The following MAP4K3 variants were observed in gnomAD, a reference collection of about 807,000 sequenced individuals.
The protein encoded by MAP4K3 is mitogen-activated protein kinase kinase kinase kinase 3.
MAP4K3 carries 94 observed loss-of-function variants against 143.5 expected under a neutral mutation model. The observed-to-expected ratio is 0.65, with a 90% confidence interval of 0.55 to 0.78. MAP4K3 has a LOEUF of 0.78. Ranked by LOEUF, MAP4K3 falls within the 30% of genes least tolerant of loss-of-function variation. The probability of loss-of-function intolerance (pLI) is 0.00; values close to 1 mark genes in which losing one functional copy is unlikely to be tolerated. For missense variants in MAP4K3, 1,077 were observed against 1,068.1 expected (o/e 1.01, Z -0.12); for synonymous variants, 416 against 347.2 (o/e 1.20, Z -2.20).
At chr2:39,290,402 A>C in intron 18 of MAP4K3, 68 bp from the exon 19 acceptor site, 1 of 1,016,172 alleles carries the variant, frequency 9.8e-7, no homozygotes, top group Non-Finnish European at 1.5e-6. Flanking sequence ...AAATATAATA[A>C]TTTTTTCAAA....
chr2:39,370,846 G>A (rs73923888), intron 2 of MAP4K3, among the ~76,000 whole-genome samples: 7,266 of 152,178 alleles, frequency 0.048, 296 homozygotes, highest in African/African-American at 0.11. Flanking sequence ...TACCACAAAT[G>A]AGTATAAGTA....
At chr2:39,298,449 C>A (rs1426258814) in intron 16 of MAP4K3, among the ~76,000 whole-genome samples, 1 of 151,720 alleles carries the variant, frequency 6.6e-6, no homozygotes, top group Non-Finnish European at 1.5e-5. Context: ...TATATTTCTC[C>A]AGATTGTTAT....
chr2:39,397,555 A>G (rs975913265), intron 1 of MAP4K3, among the ~76,000 whole-genome samples: 2 of 152,222 alleles, frequency 1.3e-5, no homozygotes, highest in African/African-American at 4.8e-5. Flanking sequence ...TTAAGATATT[A>G]AAATTCATAC....
chr2:39,275,938 T>G (rs988392579), intron 24 of MAP4K3, among the ~76,000 whole-genome samples: 4 of 152,206 alleles, frequency 2.6e-5, no homozygotes, highest in African/African-American at 9.6e-5. Flanking sequence ...AGTGGCGTGA[T>G]CTCGGCTCAC....
intron 1 of MAP4K3, among the ~76,000 whole-genome samples, chr2:39,427,998 G>C (rs1023861671): frequency 6.6e-6 from 1 of 152,058 alleles, no homozygotes; most frequent in African/African-American, 2.4e-5. Flanking sequence ...CTCCACAATC[G>C]CAAATACAAT....
intron 20 of MAP4K3, among the ~76,000 whole-genome samples, chr2:39,287,555 G>T (rs1381541387): frequency 6.6e-6 from 1 of 151,766 alleles, no homozygotes; most frequent in African/African-American, 2.4e-5. Context: ...CACCTGCCTC[G>T]GCCTCCCAAA....
intron 1 of MAP4K3, among the ~76,000 whole-genome samples, chr2:39,428,860 G>C (rs1376334349): frequency 6.6e-6 from 1 of 151,574 alleles, no homozygotes; most frequent in Non-Finnish European, 1.5e-5. Context: ...ACGAGGTCAA[G>C]AGTTCGAGAC....
At chr2:39,253,916 A>G (rs1307247353) in intron 32 of MAP4K3, among the ~76,000 whole-genome samples, 3 of 152,238 alleles carry the variant, frequency 2.0e-5, no homozygotes, top group Non-Finnish European at 4.4e-5. Flanking sequence ...TGAGGTAGGA[A>G]GGATTCATGA....
intron 1 of MAP4K3, among the ~76,000 whole-genome samples, chr2:39,398,343 A>C (rs1041448687): frequency 3.3e-5 from 5 of 152,144 alleles, no homozygotes; most frequent in Admixed American, 1.3e-4. Context: ...TGACTGATAT[A>C]ACGAGAGAGC....
chr2:39,255,694 T>C lies in MAP4K3; in HGVS notation c.2471-1174A>G, dbSNP rs1369173457. ...TTCCATATAAATTTATTTTTTACTT[T>C]AAAAAATTATTTGTAGAGATGGGGT... On this transcript the variant is annotated intron_variant, in intron 31 of 33. Transcript: ENST00000263881. Among the ~76,000 whole-genome samples, 7 of 152,238 alleles carry C rather than the reference T, an allele frequency of 4.6e-5. No individual in the cohort carries two copies. In the East Asian group the frequency reaches 1.2e-3, roughly 25 times the overall value.
chr2:39,356,163 C>T, intron 3 of MAP4K3, 86 bp downstream of exon 3: 1 of 745,274 alleles, frequency 1.3e-6, no homozygotes, highest in South Asian at 2.0e-5. Context: ...AACTACAAAA[C>T]ATGGTATTAA....
At chr2:39,328,956 A>G (rs1327550859) in intron 8 of MAP4K3, among the ~76,000 whole-genome samples, 1 of 152,204 alleles carries the variant, frequency 6.6e-6, no homozygotes, top group East Asian at 1.9e-4. Context: ...ACAACTGAAT[A>G]ACTGCCGATC....
intron 4 of MAP4K3, among the ~76,000 whole-genome samples, chr2:39,342,214 C>T (rs112471716): frequency 1.3e-5 from 2 of 151,866 alleles, no homozygotes; most frequent in Admixed American, 6.6e-5. Context: ...TCTTGGCTCA[C>T]TGCAACCTCC....
chr2:39,262,805 T>A (rs1680619059), intron 28 of MAP4K3, among the ~76,000 whole-genome samples: 2 of 152,226 alleles, frequency 1.3e-5, no homozygotes, highest in African/African-American at 4.8e-5. Flanking sequence ...CTTTTATTTA[T>A]AATGAAAATG....
At chr2:39,335,872 A>G (rs1664935713) in intron 6 of MAP4K3, among the ~76,000 whole-genome samples, 1 of 152,218 alleles carries the variant, frequency 6.6e-6, no homozygotes, top group East Asian at 1.9e-4. Flanking sequence ...CTCAGAAGAC[A>G]GTTCATAGTT....
At chr2:39,274,366 G>A (rs933252135) in intron 24 of MAP4K3, among the ~76,000 whole-genome samples, 12 of 151,688 alleles carry the variant, frequency 7.9e-5, no homozygotes, top group African/African-American at 2.2e-4. Flanking sequence ...ACAGGCGCCC[G>A]CCACCACGCC....
At chr2:39,364,188 A>T (rs1665856707) in intron 2 of MAP4K3, among the ~76,000 whole-genome samples, 1 of 152,196 alleles carries the variant, frequency 6.6e-6, no homozygotes, top group South Asian at 2.1e-4. Flanking sequence ...AACTGAAATT[A>T]GAATCTCAAA....
intron 7 of MAP4K3, 47 bp from the exon 8 acceptor site, chr2:39,332,036 ATTGT>A: frequency 8.9e-7 from 1 of 1,124,116 alleles, no homozygotes; most frequent in South Asian, 1.7e-5. Flanking sequence ...AGAAAATAAA[ATTGT>A]TTAAGGCAAC....
intron 28 of MAP4K3, among the ~76,000 whole-genome samples, chr2:39,264,791 G>C (rs1398729856): frequency 6.6e-6 from 1 of 152,102 alleles, no homozygotes; most frequent in Non-Finnish European, 1.5e-5. Context: ...TAATGGGTGG[G>C]TATATAACTA....
Sources: allele counts gnomAD v4.1 joint callset (sites outside exome capture counted in the v4.1 genomes callset), GRCh38; gene constraint gnomAD v4.1.1; transcripts MANE v1.5; gene names NCBI Gene and HGNC (gene_info 2026-07-23, HGNC 2026-07-21).